HECW1: variants seen among roughly 807,000 people sequenced by gnomAD.
HECW1 encodes E3 ubiquitin-protein ligase HECW1.
A neutral mutation model predicts 182.3 loss-of-function variants in HECW1; 61 were observed. That is an observed-to-expected ratio of 0.33 (90% CI 0.27 to 0.41). The LOEUF (loss-of-function observed/expected upper bound fraction) is 0.41, where lower values mean the gene tolerates loss of function less well. HECW1 is among the 10% of genes least tolerant of loss of function. The pLI, the probability that HECW1 is intolerant of heterozygous loss-of-function variation, is 1.00. For synonymous variants in HECW1, 859 were observed against 832.6 expected (o/e 1.03, Z -0.55); for missense variants, 1,739 against 2,108.9 (o/e 0.82, Z 3.44).
chr7:43,402,344 C>T (rs1036782454), intron 7 of HECW1, among the ~76,000 whole-genome samples: 9 of 152,306 alleles, frequency 5.9e-5, no homozygotes, highest in East Asian at 5.8e-4. Context: ...GCACTCACTC[C>T]GGTTCCTGCA....
At chr7:43,509,399 A>G (rs2079750436) in intron 24 of HECW1, 1 of 275,058 alleles carries the variant, frequency 3.6e-6, no homozygotes, top group Non-Finnish European at 6.7e-6. Context: ...GACATAGGTC[A>G]TGAATGTTGA....
chr7:43,336,152 C>CTCTCTT (rs1812231142), intron 5 of HECW1, among the ~76,000 whole-genome samples: 9 of 64,152 alleles, frequency 1.4e-4, no homozygotes, highest in Non-Finnish European at 2.1e-4. Context: ...CTTTCTCTCT[C>CTCTCTT]TCTCTCTCTC....
intron 4 of HECW1, among the ~76,000 whole-genome samples, chr7:43,318,162 C>G (rs7806590): frequency 0.53 from 80,797 of 151,986 alleles, 24,650 homozygotes; most frequent in African/African-American, 0.86. Flanking sequence ...ATCCCTGACC[C>G]TGACTATTAA....
Position 43,311,796 on chromosome 7 carries a change from G to A in HECW1, c.61G>A (p.Ala21Thr), listed in dbSNP as rs1413143821. Reference protein sequence around the residue: ...LYQNRFLGLAAMASPSRNSQS... With the variant: ...LYQNRFLGLATMASPSRNSQS... ...CCAGAACAGGTTTTTAGGCCTGGCCGCCATGGCGTCTCCTTCTAGAAACTC... is the reference window on the plus strand; with the variant it reads ...CCAGAACAGGTTTTTAGGCCTGGCCACCATGGCGTCTCCTTCTAGAAACTC... The change falls in exon 4 of 30, where the codon GCC becomes ACC. Residue 21 changes from alanine (A) to threonine (T), a missense_variant. Ala to Thr is a moderately conservative substitution (Grantham distance 58). Around this residue, in one of 5 missense-constraint regions of HECW1, gnomAD observed 279 missense variants for 353.1 expected, o/e 0.79. Coordinates refer to ENST00000395891, the MANE Select transcript of HECW1 (RefSeq NM_015052.5). 6 of 1,613,950 alleles carry A rather than the reference G, an allele frequency of 3.7e-6. No homozygotes were observed. Among genetic ancestry groups the A allele is most frequent in the East Asian group, 2.2e-5 (1 of 44,886 alleles).
intron 11 of HECW1, among the ~76,000 whole-genome samples, chr7:43,449,570 T>C (rs578203723): frequency 3.9e-5 from 6 of 152,330 alleles, no homozygotes; most frequent in Middle Eastern, 3.4e-3. Context: ...TAACCATCCT[T>C]TCCATGTGTG....
intron 5 of HECW1, among the ~76,000 whole-genome samples, chr7:43,350,904 G>A (rs902018020): frequency 1.3e-5 from 2 of 152,254 alleles, no homozygotes; most frequent in African/African-American, 4.8e-5. Context: ...TCCATTGCTG[G>A]TGCACTAGTG....
rs780683947 is a variant in HECW1, at chr7:43,550,459, G to T, written c.4263G>T (p.Glu1421Asp). ...EEVFGQVTER[E>D]LKSGGANTQV... is the part of the protein sequence containing the mutation. ...TTTCCTACAAGGTCACGGAAAGGGA[G>T]TTGAAGTCTGGAGGAGCCAACACAC... Residue 1421 changes from glutamate to aspartate, a missense_variant, in exon 27 of 30, where the codon GAG becomes GAT. Transcript: ENST00000395891. 1 of 1,614,134 alleles carries T rather than the reference G, an allele frequency of 6.2e-7. No homozygotes were observed. The highest frequency in any genetic ancestry group is 8.5e-7 in the Non-Finnish European group (1 of 1,180,000).
intron 14 of HECW1, among the ~76,000 whole-genome samples, chr7:43,465,954 A>G (rs2077753211): frequency 6.9e-6 from 1 of 145,046 alleles, no homozygotes; most frequent in Non-Finnish European, 1.5e-5. Flanking sequence ...AAGAAAAGAA[A>G]GAGAAAGAAA....
intron 2 of HECW1, among the ~76,000 whole-genome samples, chr7:43,203,516 A>G (rs187872044): frequency 2.6e-5 from 4 of 152,286 alleles, no homozygotes; most frequent in African/African-American, 9.6e-5. Context: ...CAGTGGCACA[A>G]TCTTGCTTAT....
intron 2 of HECW1, among the ~76,000 whole-genome samples, chr7:43,163,706 C>T (rs1790797027): frequency 1.3e-5 from 2 of 152,252 alleles, no homozygotes; most frequent in South Asian, 4.1e-4. Context: ...AATGGCTCTG[C>T]TTTAATTCTT....
At chr7:43,306,051 T>A (rs11765866) in intron 3 of HECW1, among the ~76,000 whole-genome samples, 1 of 151,906 alleles carries the variant, frequency 6.6e-6, no homozygotes, top group Non-Finnish European at 1.5e-5. Flanking sequence ...TGAGCCACCC[T>A]GCCCAGCCTA....
chr7:43,348,906 T>C (rs527812216), intron 5 of HECW1, among the ~76,000 whole-genome samples: 3 of 152,352 alleles, frequency 2.0e-5, no homozygotes, highest in East Asian at 1.9e-4. Context: ...CTTAAATTTA[T>C]TGAGGCTCAT....
intron 6 of HECW1, among the ~76,000 whole-genome samples, chr7:43,387,558 G>A (rs1373555775): frequency 6.6e-6 from 1 of 152,210 alleles, no homozygotes; most frequent in Non-Finnish European, 1.5e-5. Flanking sequence ...GCTAACAGCA[G>A]CAAGACATTT....
At chr7:43,317,812 TGTGTGTG>T (rs1217476382) in intron 4 of HECW1, among the ~76,000 whole-genome samples, 1 of 73,244 alleles carries the variant, frequency 1.4e-5, no homozygotes, top group African/African-American at 2.6e-4. Flanking sequence ...CTCATTATTG[TGTGTGTG>T]TGTGTGTGTG....
At chr7:43,383,201 G>A (rs1227083379) in intron 6 of HECW1, among the ~76,000 whole-genome samples, 2 of 152,148 alleles carry the variant, frequency 1.3e-5, no homozygotes, top group Admixed American at 1.3e-4. Context: ...ATTCGGGTTG[G>A]TTCCAAGTCT....
At chr7:43,234,814 G>A (rs1467040517) in intron 2 of HECW1, among the ~76,000 whole-genome samples, 1 of 152,178 alleles carries the variant, frequency 6.6e-6, no homozygotes, top group Admixed American at 6.5e-5. Flanking sequence ...GATCCACAGT[G>A]CCTGGTATGA....
chr7:43,323,203 G>GT (rs1263904758), intron 5 of HECW1, among the ~76,000 whole-genome samples: 3 of 152,174 alleles, frequency 2.0e-5, no homozygotes, highest in Admixed American at 6.5e-5. Context: ...AAAGATTTCT[G>GT]TAACATATAT....
intron 29 of HECW1, 128 bp downstream of exon 29, chr7:43,554,918 G>C: frequency 1.2e-6 from 1 of 829,644 alleles, no homozygotes; most frequent in Non-Finnish European, 1.9e-6. Flanking sequence ...TGTCATTGGA[G>C]TTATTAGGGA....
intron 2 of HECW1, among the ~76,000 whole-genome samples, chr7:43,142,366 C>T (rs1223676953): frequency 6.6e-6 from 1 of 152,142 alleles, no homozygotes; most frequent in East Asian, 1.9e-4. Flanking sequence ...AGCTTTGTCA[C>T]CCAAACAGAA....
Sources: gnomAD v4.1 joint callset for allele counts (sites outside exome capture counted in the v4.1 genomes callset) on GRCh38, gnomAD v4.1.1 for gene constraint, gnomAD v4.1.1 regional missense constraint, MANE v1.5 for transcripts, NCBI Gene and HGNC (gene_info 2026-07-23, HGNC 2026-07-21) for gene names.